Variants in PIWIL1 observed in about 807,000 individuals in gnomAD.
PIWIL1 encodes piwi-like protein 1.
PIWIL1 carries 73 observed loss-of-function variants against 114.4 expected under a neutral mutation model. The ratio of observed to expected loss-of-function variants is 0.64; its 90% CI spans 0.53 to 0.78. The LOEUF (loss-of-function observed/expected upper bound fraction) is 0.78. Among genes scored for constraint, PIWIL1 ranks in the 30% least tolerant of loss-of-function variants. The probability of loss-of-function intolerance (pLI) is 0.00; values close to 1 mark genes in which losing one functional copy is unlikely to be tolerated. For synonymous variants in PIWIL1, 375 were observed against 369.0 expected (o/e 1.02, Z -0.19); for missense variants, 723 against 1,063.1 (o/e 0.68, Z 4.45).
chr12:130,367,596 G>A (rs1377710207), intron 19 of PIWIL1, among the ~76,000 whole-genome samples: 1 of 152,176 alleles, frequency 6.6e-6, no homozygotes, highest in Non-Finnish European at 1.5e-5. Context: ...AGTAAAAAGT[G>A]TTTAGATTTG....
At chr12:130,399,632 AT>A in the PIWIL1 span, 1 of 1,605,852 alleles carries the variant, frequency 6.2e-7, no homozygotes, top group South Asian at 1.1e-5. Flanking sequence ...TAGACCACAT[AT>A]GGCAGAACGG....
intron 9 of PIWIL1, among the ~76,000 whole-genome samples, chr12:130,353,146 T>G (rs1210944662): frequency 6.6e-6 from 1 of 152,156 alleles, no homozygotes; most frequent in African/African-American, 2.4e-5. Flanking sequence ...TCTGGTGTGC[T>G]CAGGGAAATG....
the PIWIL1 span, chr12:130,399,105 G>C: frequency 7.3e-7 from 1 of 1,366,474 alleles, no homozygotes; most frequent in Non-Finnish European, 9.5e-7. Context: ...ATCTTCAGTT[G>C]CTCACTTACG....
chr12:130,374,094 A>C (rs1041910737), downstream of PIWIL1, among the ~76,000 whole-genome samples: 2 of 151,838 alleles, frequency 1.3e-5, no homozygotes, highest in Non-Finnish European at 2.9e-5. Flanking sequence ...AAGTCTGTCC[A>C]CTCTTTTCTG....
At chr12:130,342,291 C>A (rs1256986431) in intron 1 of PIWIL1, 2 of 378,390 alleles carry the variant, frequency 5.3e-6, no homozygotes, top group Non-Finnish European at 9.6e-6. Context: ...GCACTTTCTC[C>A]TCCTAAGTCT....
At chr12:130,399,848 A>G in the PIWIL1 span, 1 of 1,611,138 alleles carries the variant, frequency 6.2e-7, no homozygotes, top group Admixed American at 1.7e-5. Flanking sequence ...AGAACTATTT[A>G]TTTTTCTAGA....
Position 130,371,935 on chromosome 12 carries a change from A to G in PIWIL1, c.*337A>G, listed in dbSNP as rs2073826108. The G allele has an allele frequency of 6.1e-6, 1 of 164,058 alleles. No individual in the cohort carries two copies. The highest frequency in any genetic ancestry group is 1.3e-5 in the Non-Finnish European group (1 of 76,164). The allele number at this position is 164,058 out of a possible 1,614,324, so 10.2% of individuals were successfully genotyped here. Reference sequence around the variant, plus strand: ...TGGAGATTTACTTAAACGTACTTTCAGGAGTGAGCAAGTCCTACTTATAAA... The same window carrying G: ...TGGAGATTTACTTAAACGTACTTTCGGGAGTGAGCAAGTCCTACTTATAAA... On this transcript the variant is annotated 3_prime_UTR_variant, in exon 21 of 21. Coordinates refer to ENST00000245255, the MANE Select transcript of PIWIL1 (RefSeq NM_004764.5).
intron 7 of PIWIL1, among the ~76,000 whole-genome samples, chr12:130,348,696 T>G (rs909759433): frequency 1.3e-5 from 2 of 151,730 alleles, no homozygotes; most frequent in African/African-American, 4.8e-5. Flanking sequence ...AGGTCAGGAG[T>G]TCTAGACCAG....
chr12:130,415,849 A>C, the PIWIL1 span, among the ~76,000 whole-genome samples: 16 of 152,236 alleles, frequency 1.1e-4, no homozygotes, highest in African/African-American at 3.9e-4. Context: ...GACAATTTCA[A>C]TAAAATTTCA....
rs2073812119 is a variant in PIWIL1 at position 130,371,353 on chromosome 12, A to C, written c.2469+30A>C. ...GTGCTTCTACTTGTTGATGTTTAGC[A>C]AATAAAGGACATTCACTTTTCAAAA... On this transcript the variant is annotated intron_variant, in intron 20 of 20. Transcript: ENST00000245255. The C allele has an allele frequency of 3.1e-6, 5 of 1,613,654 alleles. No individual in the cohort carries two copies. The South Asian group carries it at 5.5e-5, about 18-fold the overall frequency.
the PIWIL1 span, among the ~76,000 whole-genome samples, chr12:130,417,895 TG>T: frequency 6.6e-6 from 1 of 152,080 alleles, no homozygotes; most frequent in Non-Finnish European, 1.5e-5. Context: ...CAGATAATAT[TG>T]GTCTGATCAT....
intron 1 of PIWIL1, 41 bp downstream of exon 1, chr12:130,338,187 GAT>G: frequency 3.0e-6 from 1 of 330,380 alleles, no homozygotes; most frequent in Admixed American, 4.5e-5. Context: ...CGGGGGCCGG[GAT>G]GCGGGGGCGG....
chr12:130,367,065 A>C, intron 18 of PIWIL1, 68 bp from the exon 19 acceptor site: 1 of 1,578,290 alleles, frequency 6.3e-7, no homozygotes, highest in South Asian at 1.1e-5. Context: ...GCATGTGAAC[A>C]CCTGAATGAA....
At chr12:130,358,132 G>T (rs547808452) in intron 14 of PIWIL1, among the ~76,000 whole-genome samples, 2 of 152,198 alleles carry the variant, frequency 1.3e-5, no homozygotes, top group Non-Finnish European at 2.9e-5. Flanking sequence ...AGGTGAGTGA[G>T]TGATGACTCA....
the PIWIL1 span, among the ~76,000 whole-genome samples, chr12:130,409,369 C>G: frequency 1.9e-5 from 2 of 105,470 alleles, no homozygotes; most frequent in Non-Finnish European, 3.5e-5. Flanking sequence ...TTGAGATGGA[C>G]TCTCGCTCTG....
At chr12:130,382,934 CAT>C in the PIWIL1 span, among the ~76,000 whole-genome samples, 13 of 152,162 alleles carry the variant, frequency 8.5e-5, no homozygotes, top group Non-Finnish European at 1.3e-4. Context: ...AAAGTTTACA[CAT>C]GTTTGGTTAG....
At chr12:130,405,200 AACAC>A in the PIWIL1 span, among the ~76,000 whole-genome samples, 4 of 151,972 alleles carry the variant, frequency 2.6e-5, no homozygotes, top group African/African-American at 7.3e-5. Context: ...TGGAGAAGCA[AACAC>A]ACACACACAA....
At chr12:130,363,629 T>TTTC (rs1252491444) in intron 18 of PIWIL1, among the ~76,000 whole-genome samples, 2 of 140,560 alleles carry the variant, frequency 1.4e-5, no homozygotes, top group African/African-American at 2.7e-5. Flanking sequence ...TTTTTTTTTT[T>TTTC]TTTTTTGAGA....
chr12:130,424,758 G>A, the PIWIL1 span: 235 of 1,232,404 alleles, frequency 1.9e-4, no homozygotes, highest in East Asian at 1.8e-3. This position sits in a 1 kb window ranked among gnomAD's most constrained non-coding sequence, Gnocchi z 9.8. Context: ...GTCCTCTTCC[G>A]CTACTTCGGG....
Sources: allele counts gnomAD v4.1 joint callset (sites outside exome capture counted in the v4.1 genomes callset), GRCh38; gene constraint gnomAD v4.1.1; non-coding constraint Gnocchi (gnomAD v3.1); transcripts MANE v1.5; gene names NCBI Gene and HGNC (gene_info 2026-07-23, HGNC 2026-07-21).